Variants in LIMA1 observed in about 807,000 individuals in gnomAD.
LIMA1 encodes LIM domain and actin-binding protein 1.
LIMA1 carries 52 observed loss-of-function variants against 62.6 expected under a neutral mutation model. The ratio of observed to expected loss-of-function variants is 0.83; its 90% CI spans 0.67 to 1.05. The LOEUF is 1.05. Ranked by LOEUF, LIMA1 falls within the 50% of genes least tolerant of loss-of-function variation. The probability of loss-of-function intolerance (pLI) is 0.00; values close to 1 mark genes in which losing one functional copy is unlikely to be tolerated. For synonymous variants in LIMA1, 302 were observed against 317.8 expected, an observed-to-expected ratio of 0.95 and a Z score of 0.53; for missense variants, 780 against 902.2, an observed-to-expected ratio of 0.86 and a Z score of 1.74.
intron 4 of LIMA1, among the ~76,000 whole-genome samples, chr12:50,218,678 G>A (rs1014869454): frequency 6.6e-6 from 1 of 151,992 alleles, no homozygotes; most frequent in Non-Finnish European, 1.5e-5. Flanking sequence ...GGCCAAGGCA[G>A]GAGGATCACT....
At chr12:50,185,038 G>T (rs1301375462) in intron 9 of LIMA1, among the ~76,000 whole-genome samples, 2 of 152,140 alleles carry the variant, frequency 1.3e-5, no homozygotes, top group African/African-American at 4.8e-5. Context: ...CACCATGTTG[G>T]TCAGGCTGGT....
chr12:50,219,209 C>T (rs190561541), intron 4 of LIMA1, among the ~76,000 whole-genome samples: 8 of 152,072 alleles, frequency 5.3e-5, no homozygotes, highest in African/African-American at 2.4e-5. Flanking sequence ...TGAGACTGGG[C>T]GTGGTGGCTC....
rs1940325124 is a variant in LIMA1, at chr12:50,175,981, T to C, written c.*1083A>G. On this transcript the variant is annotated 3_prime_UTR_variant, in exon 11 of 11. Coordinates refer to ENST00000341247, the MANE Select transcript of LIMA1 (RefSeq NM_016357.5). ...TGGAATATCAACTGTGTACAACAAATGTACTCAAGTTTATAATGTCCCCAA... is the reference window on the plus strand; with the variant it reads ...TGGAATATCAACTGTGTACAACAAACGTACTCAAGTTTATAATGTCCCCAA... 1 of 152,192 alleles carries C rather than the reference T, an allele frequency of 6.6e-6. No individual in the cohort carries two copies. The highest frequency in any genetic ancestry group is 1.5e-5 in the Non-Finnish European group (1 of 68,040). 9.4% of individuals were successfully genotyped at this position (152,192 alleles called of 1,614,324 possible).
intron 3 of LIMA1, among the ~76,000 whole-genome samples, chr12:50,222,948 CAA>C (rs1049723010): frequency 6.6e-6 from 1 of 151,364 alleles, no homozygotes; most frequent in African/African-American, 2.4e-5. Flanking sequence ...TTAAATAAGA[CAA>C]AGATGCAGGA....
At chr12:50,209,121 C>T (rs1470026896) in intron 4 of LIMA1, among the ~76,000 whole-genome samples, 1 of 151,216 alleles carries the variant, frequency 6.6e-6, no homozygotes, top group Non-Finnish European at 1.5e-5. Context: ...CTGCATCCGG[C>T]CTGATTGGGT....
chr12:50,277,790 G>A (rs1212449577), intron 1 of LIMA1, among the ~76,000 whole-genome samples: 4 of 151,908 alleles, frequency 2.6e-5, no homozygotes, highest in Admixed American at 2.0e-4. Context: ...CCCACAAAAC[G>A]CTCCAAATAA....
At chr12:50,254,039 A>AG (rs1030632585) in intron 1 of LIMA1, among the ~76,000 whole-genome samples, 1 of 151,288 alleles carries the variant, frequency 6.6e-6, no homozygotes, top group Admixed American at 6.6e-5. Flanking sequence ...AAAAAAAAAA[A>AG]AAAAAAAAGA....
At chr12:50,221,842 G>A (rs905060992) in intron 4 of LIMA1, among the ~76,000 whole-genome samples, 179 bp downstream of exon 4, 2 of 152,220 alleles carry the variant, frequency 1.3e-5, no homozygotes, top group African/African-American at 4.8e-5. Flanking sequence ...TTGTGTCAGA[G>A]ACTCACAAAT....
At chr12:50,195,628 C>T (rs1940911298) in intron 8 of LIMA1, 1 of 413,250 alleles carries the variant, frequency 2.4e-6, no homozygotes, top group Non-Finnish European at 4.2e-6. Context: ...TTCAGTTTGT[C>T]CCAAGTTAAC....
chr12:50,234,707 A>C (rs926219141), intron 2 of LIMA1, among the ~76,000 whole-genome samples: 2 of 152,058 alleles, frequency 1.3e-5, no homozygotes, highest in Admixed American at 1.3e-4. Context: ...TAGGAGGTAA[A>C]AGAAGAAGAA....
intron 6 of LIMA1, 58 bp from the exon 7 acceptor site, chr12:50,200,942 C>T: frequency 6.3e-7 from 1 of 1,579,306 alleles, no homozygotes; most frequent in East Asian, 2.2e-5. Context: ...CTGTTCTCTT[C>T]ATAGCACATC....
intron 4 of LIMA1, chr12:50,217,856 A>G: frequency 5.2e-6 from 1 of 192,088 alleles, no homozygotes; most frequent in Non-Finnish European, 1.1e-5. Flanking sequence ...AATATCGCTG[A>G]CTGCCGCAGC....
chr12:50,265,748 T>C (rs1029622555), intron 1 of LIMA1, among the ~76,000 whole-genome samples: 2 of 152,140 alleles, frequency 1.3e-5, no homozygotes, highest in Non-Finnish European at 2.9e-5. Flanking sequence ...CTTAGTGAAT[T>C]ATAAAAAGGA....
At chr12:50,194,041 G>A (rs1289039998) in intron 8 of LIMA1, among the ~76,000 whole-genome samples, 6 of 149,798 alleles carry the variant, frequency 4.0e-5, no homozygotes, top group Non-Finnish European at 7.4e-5. Context: ...AGGCTGGAGT[G>A]CAGTGGCATG....
chr12:50,226,097 A>G (rs1941523981), intron 3 of LIMA1, among the ~76,000 whole-genome samples: 1 of 152,112 alleles, frequency 6.6e-6, no homozygotes, highest in Admixed American at 6.6e-5. Context: ...CCCATGCTAG[A>G]GTGCAGTGGC....
chr12:50,248,056 G>C (rs1234491617), intron 2 of LIMA1, among the ~76,000 whole-genome samples: 1 of 152,186 alleles, frequency 6.6e-6, no homozygotes, highest in Non-Finnish European at 1.5e-5. Context: ...CAATACGACA[G>C]TCACCAACAA....
intron 9 of LIMA1, among the ~76,000 whole-genome samples, chr12:50,183,704 G>T (rs563779395): frequency 6.6e-6 from 1 of 151,332 alleles, no homozygotes; most frequent in Non-Finnish European, 1.5e-5. Flanking sequence ...CCAGCTACTC[G>T]GGAGGCTGAG....
rs1462249334 is a variant in LIMA1 at position 50,200,973 on chromosome 12, T to C, written c.865-89A>G. ...ACATCTATTAGATAAACTTGGAATG[T>C]TAAAAAATTCTTCTAAGAAGCCTCG... On this transcript the variant is annotated intron_variant, in intron 6 of 10. Transcript: ENST00000341247. 5.2e-6 allele frequency: 8 copies of C among 1,528,488 alleles called. No individual in the cohort carries two copies. The African/African-American group carries it at 1.1e-4, about 21-fold the overall frequency. 94.7% of individuals were successfully genotyped at this position (1,528,488 alleles called of 1,614,324 possible).
At chr12:50,249,797 AT>A (rs1048048607) in intron 1 of LIMA1, 3 of 152,188 alleles carry the variant, frequency 2.0e-5, no homozygotes, top group African/African-American at 7.2e-5. Flanking sequence ...CTAAAAAAAA[AT>A]AATAATAAAG....
Sources: allele counts gnomAD v4.1 joint callset (sites outside exome capture counted in the v4.1 genomes callset), GRCh38; gene constraint gnomAD v4.1.1; transcripts MANE v1.5; gene names NCBI Gene and HGNC (gene_info 2026-07-23, HGNC 2026-07-21).